Variants in AEBP1 observed in about 807,000 individuals in gnomAD.
The protein encoded by AEBP1 is adipocyte enhancer-binding protein 1.
AEBP1 carries 69 observed loss-of-function variants against 116.5 expected under a neutral mutation model. The ratio of observed to expected loss-of-function variants is 0.59; its 90% CI spans 0.49 to 0.72. The LOEUF is 0.72. Among genes scored for constraint, AEBP1 ranks in the 30% least tolerant of loss-of-function variants. AEBP1 has a pLI of 0.00. For synonymous variants in AEBP1, 627 were observed against 627.3 expected (o/e 1.00, Z 0.01); for missense variants, 1,444 against 1,557.5 (o/e 0.93, Z 1.23).
chr7:44,108,103 A>C lies in AEBP1; in HGVS notation c.940+19A>C, dbSNP rs1586046684. On this transcript the variant is annotated intron_variant, in intron 6 of 20. Transcript: ENST00000223357. This position sits in a 1 kb window ranked among gnomAD's most constrained non-coding sequence, Gnocchi z 5.0. ...GATGACAGTGAGTACCCAGCACCCC[A>C]GAGTCTGAGGGACATAGGCAGGTGG... is the stretch of plus-strand genomic sequence containing the variant. 6.3e-7 allele frequency: 1 copy of C among 1,587,848 alleles called. No individual in the cohort carries two copies. Among genetic ancestry groups the C allele is most frequent in the Non-Finnish European group, 8.6e-7 (1 of 1,168,802 alleles).
chr7:44,107,437 A>T lies in AEBP1; in HGVS notation c.596-2A>T. 1 of 1,613,210 alleles carries T rather than the reference A, an allele frequency of 6.2e-7. No individual in the cohort carries two copies. Among genetic ancestry groups the T allele is most frequent in the Non-Finnish European group, 8.5e-7 (1 of 1,179,940 alleles). ...CCTGCTTCTGGAACTCCTGTGTTGC[A>T]GGGGCGCCCCTCTCAAATAACTGGC... On this transcript the variant is annotated splice_acceptor_variant, in intron 2 of 20. Coordinates refer to ENST00000223357, the MANE Select transcript of AEBP1 (RefSeq NM_001129.5). LOFTEE classifies it high-confidence loss of function. This position sits in a 1 kb window ranked among gnomAD's most constrained non-coding sequence, Gnocchi z 4.3.
At position 44,110,091 on chromosome 7, in the gene AEBP1, C is replaced by T; in HGVS notation, c.1227C>T (p.Gly409=). The change falls in exon 10 of 21, where the codon GGC becomes GGT. Residue 409 remains glycine, a synonymous_variant. Transcript: ENST00000223357. ...QIRASSMLRH[G]LGAQRGRLNM... ...GAGCCTCCTCCATGCTGCGCCACGG[C>T]CTGGGGGCACAGCGCGGCCGGCTCA... The T allele has an allele frequency of 1.2e-6, 2 of 1,613,130 alleles. No homozygotes were observed. The highest frequency in any genetic ancestry group is 1.7e-6 in the Non-Finnish European group (2 of 1,180,004).
chr7:44,106,531 C>G lies in AEBP1; in HGVS notation c.254-15C>G. The G allele has an allele frequency of 6.3e-7, 1 of 1,575,856 alleles. No homozygotes were observed. The highest frequency in any genetic ancestry group is 8.6e-7 in the Non-Finnish European group (1 of 1,164,508). ...CTGGCTCTGTTCATTTGACACGAGT[C>G]TGCATCTTGGACAGTGCCTCCGGAA... On this transcript the variant is annotated splice_polypyrimidine_tract_variant and intron_variant, in intron 1 of 20. Transcript: ENST00000223357.
chr7:44,105,466 G>A (rs530896985), intron 1 of AEBP1, among the ~76,000 whole-genome samples: 2 of 152,276 alleles, frequency 1.3e-5, no homozygotes, highest in South Asian at 4.1e-4. Flanking sequence ...TTTAACCCAC[G>A]GCCTCTTGCA....
At position 44,111,533 on chromosome 7, in the gene AEBP1, C is replaced by T; in HGVS notation, c.1743C>T (p.Cys581=). Residue 581 remains cysteine, a synonymous_variant, in exon 15 of 21, where the codon TGC becomes TGT. Transcript: ENST00000223357. The surrounding 1 kb of genome is among the most constrained non-coding windows in gnomAD (Gnocchi z 4.7). ...RQLMKVVNEE[C]PTITRTYSLG... ...TCATGAAGGTGGTGAACGAGGAGTG[C>T]CCCACCATCACCCGCACTTACAGCC... The T allele has an allele frequency of 1.2e-6, 2 of 1,602,740 alleles. No individual in the cohort carries two copies. The highest frequency in any genetic ancestry group is 1.7e-6 in the Non-Finnish European group (2 of 1,175,602).
Position 44,113,104 on chromosome 7 carries a change from G to T in AEBP1, c.2683G>T (p.Glu895Ter). The T allele has an allele frequency of 9.9e-6, 16 of 1,614,056 alleles. No individual in the cohort carries two copies. Among genetic ancestry groups the T allele is most frequent in the Non-Finnish European group, 1.4e-5 (16 of 1,180,010 alleles). ...ELPREWENNKEALLTFMEQVH... is the reference protein window; with the variant it reads ...ELPREWENNK Reference sequence around the variant, plus strand: ...GCCCCGCGAGTGGGAGAACAACAAGGAGGCGCTGCTCACCTTCATGGAGCA... The same window carrying T: ...GCCCCGCGAGTGGGAGAACAACAAGTAGGCGCTGCTCACCTTCATGGAGCA... The change falls in exon 19 of 21, where the codon GAG becomes TAG. Residue 895 changes from glutamate (E) to a stop codon, truncating the protein, a stop_gained. Transcript: ENST00000223357. LOFTEE classifies it high-confidence loss of function. This position sits in a 1 kb window ranked among gnomAD's most constrained non-coding sequence, Gnocchi z 5.3.
chr7:44,105,120 C>T (rs1210232447), intron 1 of AEBP1, among the ~76,000 whole-genome samples: 1 of 152,240 alleles, frequency 6.6e-6, no homozygotes, highest in African/African-American at 2.4e-5. Context: ...AGCACCCGGG[C>T]GGCAGGGCCG....
chr7:44,110,282 G>A lies in AEBP1; in HGVS notation c.1336G>A (p.Val446Met), dbSNP rs760068790. 15 of 1,613,612 alleles carry A rather than the reference G, an allele frequency of 9.3e-6. No homozygotes were observed. The highest frequency in any genetic ancestry group is 1.2e-5 in the Non-Finnish European group (14 of 1,180,026). Residue 446 changes from valine to methionine, a missense_variant, in exon 11 of 21, where the codon GTG becomes ATG. Physicochemically the swap from Val to Met is conservative, Grantham distance 21. Coordinates refer to ENST00000223357, the MANE Select transcript of AEBP1 (RefSeq NM_001129.5). ...EDDARTQWIE[V>M]DTRRTTRFTG... ...CGATGCCAGGACCCAGTGGATAGAG[G>A]TGGACACCAGGAGGACTACCCGGTT...
Position 44,111,586 on chromosome 7 carries a change from T to G in AEBP1, c.1796T>G (p.Ile599Ser), listed in dbSNP as rs137956957. ...SLGKSSRGLKIYAMEISDNPG... is the reference protein window; with the variant it reads ...SLGKSSRGLKSYAMEISDNPG... ...GGCAAGAGCTCACGAGGCCTCAAGA[T>G]CTATGCCATGGAGATCTCAGACAAC... The change falls in exon 15 of 21, where the codon ATC becomes AGC. Residue 599 changes from isoleucine to serine, a missense_variant. By Grantham distance (142) the Ile-to-Ser change is moderately radical. Transcript: ENST00000223357. This position sits in a 1 kb window ranked among gnomAD's most constrained non-coding sequence, Gnocchi z 4.7. 76 of 1,613,106 alleles carry G rather than the reference T, an allele frequency of 4.7e-5. No homozygotes were observed. The highest frequency in any genetic ancestry group is 3.6e-5 in the Non-Finnish European group (43 of 1,179,760).
rs200145109 is a variant in AEBP1, at chr7:44,112,876, G to A, written c.2536G>A (p.Val846Ile). ...GGACTACACCGGCGGCATGGGCATC[G>A]TCAACGGGGCCAAGTGGAACCCCCG... Reference protein sequence around the residue: ...AQDYTGGMGIVNGAKWNPRTG... With the variant: ...AQDYTGGMGIINGAKWNPRTG... Residue 846 changes from valine (V) to isoleucine (I), a missense_variant, in exon 18 of 21, where the codon GTC becomes ATC. By Grantham distance (29) the Val-to-Ile change is conservative. Transcript: ENST00000223357. This position sits in a 1 kb window ranked among gnomAD's most constrained non-coding sequence, Gnocchi z 6.6. 1.4e-5 allele frequency: 23 copies of A among 1,612,150 alleles called. No individual in the cohort carries two copies. The East Asian group carries it at 1.8e-4, about 13-fold the overall frequency.
chr7:44,109,120 G>T lies in AEBP1; in HGVS notation c.1032G>T (p.Lys344Asn). 6.2e-7 allele frequency: 1 copy of T among 1,613,612 alleles called. No homozygotes were observed. The highest frequency in any genetic ancestry group is 1.1e-5 in the South Asian group (1 of 91,082). Residue 344 changes from lysine to asparagine, a missense_variant, in exon 8 of 21, where the codon AAG becomes AAT. Physicochemically the swap from Lys to Asn is moderately conservative, Grantham distance 94. Transcript: ENST00000223357. ...EEKEELKKPK[K>N]EDSSPKEETD... Reference sequence around the variant, plus strand: ...TGCACCTTCCAGAGAAACCCAAAAAGGAGGACAGCAGCCCCAAGGAGGAGA... The same window carrying T: ...TGCACCTTCCAGAGAAACCCAAAAATGAGGACAGCAGCCCCAAGGAGGAGA...
chr7:44,112,531 T>C lies in AEBP1; in HGVS notation c.2218-27T>C. ...GGGATAGTGGCCGGAGCTGCAGCCC[T>C]GGCCTCACACGTGCTGGCCACTCCA... On this transcript the variant is annotated intron_variant, in intron 17 of 20. Transcript: ENST00000223357. The surrounding 1 kb of genome is among the most constrained non-coding windows in gnomAD (Gnocchi z 6.6). 3 of 1,546,718 alleles carry C rather than the reference T, an allele frequency of 1.9e-6. No individual in the cohort carries two copies. The highest frequency in any genetic ancestry group is 2.6e-6 in the Non-Finnish European group (3 of 1,139,690).
Position 44,112,673 on chromosome 7 carries a change from C to T in AEBP1, c.2333C>T (p.Thr778Met), listed in dbSNP as rs746762676. The T allele has an allele frequency of 1.3e-5, 21 of 1,613,062 alleles. No individual in the cohort carries two copies. The highest frequency in any genetic ancestry group is 1.7e-5 in the Non-Finnish European group (20 of 1,180,008). Residue 778 changes from threonine (T) to methionine (M), a missense_variant, in exon 18 of 21, where the codon ACG becomes ATG. Coordinates refer to ENST00000223357, the MANE Select transcript of AEBP1 (RefSeq NM_001129.5). This position sits in a 1 kb window ranked among gnomAD's most constrained non-coding sequence, Gnocchi z 6.6. ...LVSYPYDMAR[T>M]PTQEQLLAAA... ...TCCTACCCCTACGATATGGCCCGCACGCCTACCCAGGAGCAGCTGCTGGCC... is the reference window on the plus strand; with the variant it reads ...TCCTACCCCTACGATATGGCCCGCATGCCTACCCAGGAGCAGCTGCTGGCC...
At position 44,112,518 on chromosome 7, in the gene AEBP1, G is replaced by A. The variant is rs1342252804; in HGVS notation, c.2218-40G>A. The A allele has an allele frequency of 3.6e-6, 5 of 1,371,322 alleles. No homozygotes were observed. The highest frequency in any genetic ancestry group is 2.7e-5 in the Admixed American group (1 of 36,612). The allele number at this position is 1,371,322 out of a possible 1,614,324, so 84.9% of individuals were successfully genotyped here. A position where few individuals can be genotyped will look rare whatever the true frequency, so the allele number is the denominator to read the frequency against. Reference sequence around the variant, plus strand: ...TCGGGCTAGGTTGGGGATAGTGGCCGGAGCTGCAGCCCTGGCCTCACACGT... The same window carrying A: ...TCGGGCTAGGTTGGGGATAGTGGCCAGAGCTGCAGCCCTGGCCTCACACGT... On this transcript the variant is annotated intron_variant, in intron 17 of 20. Transcript: ENST00000223357. This position sits in a 1 kb window ranked among gnomAD's most constrained non-coding sequence, Gnocchi z 6.6.
rs978618758 is a variant in AEBP1 at position 44,108,478 on chromosome 7, C to T, written c.940+394C>T. 4.6e-5 allele frequency among the ~76,000 whole-genome samples: 7 copies of T among 152,238 alleles called. No individual in the cohort carries two copies. The highest frequency in any genetic ancestry group is 7.4e-5 in the Non-Finnish European group (5 of 67,984). On this transcript the variant is annotated intron_variant, in intron 6 of 20. Coordinates refer to ENST00000223357, the MANE Select transcript of AEBP1 (RefSeq NM_001129.5). This position sits in a 1 kb window ranked among gnomAD's most constrained non-coding sequence, Gnocchi z 5.0. ...TGCCTCCCTGTTGCTCATGCCCCTGCGTCCCTGGAGCCCTCAGGTTCCCTT... is the reference window on the plus strand; with the variant it reads ...TGCCTCCCTGTTGCTCATGCCCCTGTGTCCCTGGAGCCCTCAGGTTCCCTT...
intron 1 of AEBP1, among the ~76,000 whole-genome samples, chr7:44,105,421 C>T (rs1024549817): frequency 2.6e-5 from 4 of 152,140 alleles, no homozygotes; most frequent in Admixed American, 6.5e-5. Flanking sequence ...TACATTAGTA[C>T]AGGAAATTAG....
At position 44,107,199 on chromosome 7, in the gene AEBP1, G is replaced by GT. The variant is rs1267073378; in HGVS notation, c.596-239dup. ...GCCTTCTCCCGCTGGGGACAGCTTT[G>GT]TGGTAGGGCCTCCAGCAGCACAGTA... is the stretch of plus-strand genomic sequence containing the variant. On this transcript the variant is annotated intron_variant, in intron 2 of 20. Transcript: ENST00000223357. The surrounding 1 kb of genome is among the most constrained non-coding windows in gnomAD (Gnocchi z 4.3). Among the ~76,000 whole-genome samples, 1 of 152,198 alleles carries GT rather than the reference G, an allele frequency of 6.6e-6. No individual in the cohort carries two copies. Among genetic ancestry groups the GT allele is most frequent in the Non-Finnish European group, 1.5e-5 (1 of 68,016 alleles).
intron 10 of AEBP1, 27 bp from the exon 11 acceptor site, chr7:44,110,180 G>T (rs565860667): frequency 5.0e-6 from 8 of 1,613,396 alleles, no homozygotes; most frequent in Non-Finnish European, 6.8e-6. Context: ...CTCCGCCCAT[G>T]CTCAGCCTCC....
chr7:44,104,670 C>A lies in AEBP1; in HGVS notation c.5C>A (p.Ala2Glu). The change falls in exon 1 of 21, where the codon GCG becomes GAG. Residue 2 changes from alanine to glutamate, a missense_variant. By Grantham distance (107) the Ala-to-Glu change is moderately radical. Coordinates refer to ENST00000223357, the MANE Select transcript of AEBP1 (RefSeq NM_001129.5). The part of the protein sequence containing the change: M[A>E]AVRGAPLLSC... The stretch of plus-strand genomic sequence containing the variant: ...CCCCCCGCGCGTGCCGCGGCCATGG[C>A]GGCCGTGCGCGGGGCGCCCCTGCTC... The A allele has an allele frequency of 6.7e-7, 1 of 1,501,860 alleles. No homozygotes were observed. The highest frequency in any genetic ancestry group is 8.9e-7 in the Non-Finnish European group (1 of 1,129,622). The allele number at this position is 1,501,860 out of a possible 1,614,324, so 93.0% of individuals were successfully genotyped here. A position where few individuals can be genotyped will look rare whatever the true frequency, so the allele number is the denominator to read the frequency against.
Sources: gnomAD v4.1 joint callset for allele counts (sites outside exome capture counted in the v4.1 genomes callset) on GRCh38, gnomAD v4.1.1 for gene constraint, Gnocchi (gnomAD v3.1) non-coding constraint, MANE v1.5 for transcripts, NCBI Gene and HGNC (gene_info 2026-07-23, HGNC 2026-07-21) for gene names.